The following MSL3 variants were observed in gnomAD, a reference collection of about 807,000 sequenced individuals.
MSL3 encodes MSL3-like 1.
MSL3 carries 5 observed loss-of-function variants against 37.2 expected under a neutral mutation model. The ratio of observed to expected loss-of-function variants is 0.13; its 90% CI spans 0.07 to 0.28. MSL3 has a LOEUF of 0.28. Among genes scored for constraint, MSL3 ranks in the 10% least tolerant of loss-of-function variants. The pLI is 1.00. For missense variants in MSL3, 315 were observed against 408.5 expected (o/e 0.77, Z 1.97); for synonymous variants, 149 against 147.6 (o/e 1.01, Z -0.07).
Position 11,759,806 on chromosome X carries a change from T to C in MSL3, c.116T>C (p.Ile39Thr), listed in dbSNP as rs1456243380. 8.3e-7 allele frequency: 1 copy of C among 1,211,452 alleles called. No individual in the cohort carries two copies. Among genetic ancestry groups the C allele is most frequent in the Non-Finnish European group, 1.1e-6 (1 of 895,034 alleles). The change falls in exon 2 of 13, where the codon ATT (isoleucine) becomes ACT (threonine). Residue 39 changes from isoleucine to threonine, a missense_variant. Physicochemically the swap from Ile to Thr is moderately conservative, Grantham distance 89 (BLOSUM62 -1). Coordinates refer to ENST00000312196, the MANE Select transcript of MSL3 (RefSeq NM_078629.4). Reference sequence around the variant, plus strand: ...TCTTCGTTTCAGATTGTTGATGTTATTGTTGGGAAAGACGAAAAAGGCAGA... The same window carrying C: ...TCTTCGTTTCAGATTGTTGATGTTACTGTTGGGAAAGACGAAAAAGGCAGA... ...VLYDAKIVDV[I>T]VGKDEKGRKI...
chrX:11,766,273 T>C (rs753219176), intron 9 of MSL3: 44 of 756,432 alleles, frequency 5.8e-5, no homozygotes, highest in Non-Finnish European at 6.9e-5. Context: ...CAAAATAAAT[T>C]AGACAAAAGT....
intron 10 of MSL3, chrX:11,768,984 G>A (rs749322643): frequency 6.1e-5 from 12 of 198,192 alleles, no homozygotes; most frequent in Admixed American, 5.8e-4. Context: ...AAATACTTTC[G>A]GCTTTGTGGG....
At chrX:11,769,008 G>A (rs2053210049) in intron 10 of MSL3, 1 of 156,392 alleles carries the variant, frequency 6.4e-6, no homozygotes, top group African/African-American at 3.1e-5. Context: ...TATGGTGTCT[G>A]TCAAGGCTAC....
intron 9 of MSL3, chrX:11,766,512 T>C: frequency 1.3e-6 from 1 of 754,372 alleles, no homozygotes; most frequent in Non-Finnish European, 1.6e-6. Flanking sequence ...TAAGCCCTCT[T>C]AGTAGTAGTA....
chrX:11,764,149 G>A, intron 8 of MSL3: 2 of 360,714 alleles, frequency 5.5e-6, no homozygotes. Context: ...ACCAAGTGAA[G>A]ACCCCAGCAT....
At chrX:11,760,767 C>A in intron 3 of MSL3, 70 bp from the exon 4 acceptor site, 1 of 825,365 alleles carries the variant, frequency 1.2e-6, no homozygotes, top group Admixed American at 3.8e-5. Flanking sequence ...TTTATTATAT[C>A]TTGTTTTGAT....
chrX:11,768,263 G>T, intron 9 of MSL3: 1 of 146,463 alleles, frequency 6.8e-6, no homozygotes, highest in Non-Finnish European at 1.3e-5. Context: ...AGCTGCTTTC[G>T]GTCTCTCTGG....
In MSL3 at chrX:11,766,832, T is replaced by A. The variant is rs41297303; in HGVS notation, c.1171+1103T>A. On this transcript the variant is annotated intron_variant, in intron 9 of 12. Coordinates refer to ENST00000312196, the MANE Select transcript of MSL3 (RefSeq NM_078629.4). ...GCTCAGCTGCTCGCAGGCTGTGAAA[T>A]CTAAGACACCCCTCATAAATATCAA... 98 of 752,905 alleles carry A rather than the reference T, an allele frequency of 1.3e-4. No homozygotes were observed. In the Middle Eastern group the frequency reaches 2.3e-3, roughly 17 times the overall value. 62.0% of individuals were successfully genotyped at this position (752,905 alleles called of 1,213,427 possible).
chrX:11,759,537 G>A (rs1472078968), intron 1 of MSL3: 1 of 917,810 alleles, frequency 1.1e-6, no homozygotes, highest in African/African-American at 2.0e-5. Flanking sequence ...TGACAAATCG[G>A]CTGGCCAATG....
intron 7 of MSL3, 103 bp downstream of exon 7, chrX:11,763,100 C>T: frequency 1.6e-6 from 1 of 625,555 alleles, no homozygotes; most frequent in Non-Finnish European, 2.3e-6. Context: ...ATTTTGAATT[C>T]ATTTAATATT....
intron 12 of MSL3, among the ~76,000 whole-genome samples, chrX:11,773,172 C>T (rs957634771): frequency 8.9e-6 from 1 of 111,810 alleles, no homozygotes; most frequent in African/African-American, 3.3e-5. Flanking sequence ...GACCCCTTGT[C>T]TGTGTTGTCA....
intron 1 of MSL3, chrX:11,758,797 G>T (rs182566432): frequency 0.027 from 31,635 of 1,155,825 alleles, 1,470 homozygotes; most frequent in African/African-American, 0.26. Context: ...GTTACACGGC[G>T]CTGGCCGCTG....
chrX:11,764,575 C>T (rs1446163883), intron 8 of MSL3, among the ~76,000 whole-genome samples: 1 of 111,480 alleles, frequency 9.0e-6, no homozygotes, highest in African/African-American at 3.3e-5. Context: ...TCTTCCCTCT[C>T]TTCCTGAGAG....
intron 12 of MSL3, 54 bp from the exon 13 acceptor site, chrX:11,774,926 T>C: frequency 1.1e-6 from 1 of 872,859 alleles, no homozygotes; most frequent in South Asian, 2.1e-5. Flanking sequence ...ATATTTTGCT[T>C]GATGGTATTT....
intron 9 of MSL3, chrX:11,767,751 C>T (rs897092333): frequency 4.1e-5 from 11 of 270,323 alleles, no homozygotes; most frequent in Non-Finnish European, 5.6e-5. Flanking sequence ...AACCCCACAT[C>T]GACTAGCAGT....
rs765273795 is a variant in MSL3 at position 11,772,071 on chromosome X, C to T, written c.1282-85C>T. The T allele has an allele frequency of 8.8e-5, 57 of 644,372 alleles. No homozygotes were observed. The African/African-American group carries it at 9.6e-4, about 11-fold the overall frequency. 53.1% of individuals were successfully genotyped at this position (644,372 alleles called of 1,213,427 possible). On this transcript the variant is annotated intron_variant, in intron 10 of 12. Transcript: ENST00000312196. ...CCAATCACTTATTTTTTCCCCTCTA[C>T]GTACAATTTACTGTCATAATTGTTA...
chrX:11,760,002 G>C, intron 2 of MSL3, 127 bp downstream of exon 2: 1 of 780,058 alleles, frequency 1.3e-6, no homozygotes, highest in Non-Finnish European at 1.8e-6. Flanking sequence ...TTGTAGCATT[G>C]CAAACTTCTT....
At chrX:11,758,603 G>C in intron 1 of MSL3, 1 of 1,135,297 alleles carries the variant, frequency 8.8e-7, no homozygotes, top group Admixed American at 2.9e-5. Flanking sequence ...TGGGAGCCTC[G>C]CCCATGCTTT....
rs764453113 is a variant in MSL3, at chrX:11,775,413, A to G, written c.*334A>G. On this transcript the variant is annotated 3_prime_UTR_variant, in exon 13 of 13. Transcript: ENST00000312196. ...TTAGCAAGAACCACATTGTCTCTTTATTTGTTAGCATTAAACAAATTTTTT... is the reference window on the plus strand; with the variant it reads ...TTAGCAAGAACCACATTGTCTCTTTGTTTGTTAGCATTAAACAAATTTTTT... The G allele has an allele frequency of 6.3e-6, 1 of 159,522 alleles. No individual in the cohort carries two copies. The highest frequency in any genetic ancestry group is 8.0e-5 in the Admixed American group (1 of 12,448). The allele number at this position is 159,522 out of a possible 1,213,427, so 13.1% of individuals were successfully genotyped here.
Sources: allele counts gnomAD v4.1 joint callset (sites outside exome capture counted in the v4.1 genomes callset), GRCh38; gene constraint gnomAD v4.1.1; transcripts MANE v1.5; gene names NCBI Gene and HGNC (gene_info 2026-07-23, HGNC 2026-07-21).